RREB1: variants seen among roughly 807,000 people sequenced by gnomAD.
RREB1 encodes ras-responsive element-binding protein 1.
A neutral mutation model predicts 117.8 loss-of-function variants in RREB1; 27 were observed. That is an observed-to-expected ratio of 0.23 (90% confidence interval 0.17 to 0.32). The LOEUF is 0.32. Ranked by LOEUF, RREB1 falls within the 10% of genes least tolerant of loss-of-function variation. The pLI, the probability that RREB1 is intolerant of heterozygous loss-of-function variation, is 1.00. For synonymous variants in RREB1, 1,298 were observed against 1,026.7 expected (o/e 1.26, Z -5.05); for missense variants, 2,577 against 2,378.2 (o/e 1.08, Z -1.74).
chr6:7,159,933 C>T (rs1300275251), intron 1 of RREB1, among the ~76,000 whole-genome samples: 6 of 152,138 alleles, frequency 3.9e-5, no homozygotes, highest in Non-Finnish European at 8.8e-5. Flanking sequence ...CAGAACAAGG[C>T]TTATCAACCT....
chr6:7,157,798 T>C (rs1339048684), intron 1 of RREB1, among the ~76,000 whole-genome samples: 1 of 152,056 alleles, frequency 6.6e-6, no homozygotes, highest in African/African-American at 2.4e-5. Context: ...CGAGTTCTCT[T>C]GTGCTCCCTC....
intron 8 of RREB1, among the ~76,000 whole-genome samples, chr6:7,225,145 T>C (rs1767510192): frequency 6.6e-6 from 1 of 152,188 alleles, no homozygotes; most frequent in South Asian, 2.1e-4. Context: ...CTGATGTACA[T>C]GCAGTGTGGA....
In RREB1 at chr6:7,230,214, C is replaced by G. The variant is rs755410352; in HGVS notation, c.2115C>G (p.His705Gln). The G allele has an allele frequency of 6.2e-7, 1 of 1,605,264 alleles. No homozygotes were observed. The highest frequency in any genetic ancestry group is 8.5e-7 in the Non-Finnish European group (1 of 1,179,932). Residue 705 changes from histidine to glutamine, a missense_variant, in exon 10 of 13, where the codon CAC becomes CAG. Coordinates refer to ENST00000379938, the MANE Select transcript of RREB1 (RefSeq NM_001003699.4). ...GERPYICKICHYPFTVKANCE... is the reference protein window; with the variant it reads ...GERPYICKICQYPFTVKANCE... Reference sequence around the variant, plus strand: ...GGCCCTACATTTGCAAGATCTGCCACTACCCCTTCACTGTCAAAGCCAACT... The same window carrying G: ...GGCCCTACATTTGCAAGATCTGCCAGTACCCCTTCACTGTCAAAGCCAACT...
At chr6:7,162,273 TA>T (rs879255988) in intron 1 of RREB1, among the ~76,000 whole-genome samples, 654 of 141,108 alleles carry the variant, frequency 4.6e-3, no homozygotes, top group Middle Eastern at 7.4e-3. Context: ...CAGTTTACCC[TA>T]AAAAAAAAAA....
chr6:7,248,834 C>T lies in RREB1; in HGVS notation c.5095C>T (p.Pro1699Ser), dbSNP rs1259413315. 5 of 1,612,046 alleles carry T rather than the reference C, an allele frequency of 3.1e-6. No homozygotes were observed. Among genetic ancestry groups the T allele is most frequent in the Non-Finnish European group, 4.2e-6 (5 of 1,179,240 alleles). Residue 1699 changes from proline (P) to serine (S), a missense_variant, in exon 13 of 13, where the codon CCT becomes TCT. Physicochemically the swap from Pro to Ser is moderately conservative, Grantham distance 74. Coordinates refer to ENST00000379938, the MANE Select transcript of RREB1 (RefSeq NM_001003699.4). Reference sequence around the variant, plus strand: ...GGTCACGGCAGGGTGGCCGTCTGAGCCTGGCCAGGGTGACCTTAACCCAGA... The same window carrying T: ...GGTCACGGCAGGGTGGCCGTCTGAGTCTGGCCAGGGTGACCTTAACCCAGA... ...EKVTAGWPSE[P>S]GQGDLNPESP... is the part of the protein sequence containing the mutation.
chr6:7,229,339 C>G lies in RREB1; in HGVS notation c.1240C>G (p.Pro414Ala). 6.2e-7 allele frequency: 1 copy of G among 1,614,212 alleles called. No individual in the cohort carries two copies. The highest frequency in any genetic ancestry group is 8.5e-7 in the Non-Finnish European group (1 of 1,180,026). ...PGCTNLLSLS[P>A]FEAASLGGSL... is the part of the protein sequence containing the mutation. ...CTGCACCAACCTGCTGAGCCTGTCA[C>G]CTTTCGAAGCTGCTTCCCTAGGCGG... Residue 414 changes from proline to alanine, a missense_variant, in exon 10 of 13, where the codon CCT becomes GCT. Pro to Ala is a conservative substitution (Grantham distance 27, BLOSUM62 -1). Transcript: ENST00000379938. This position sits in a 1 kb window ranked among gnomAD's most constrained non-coding sequence, Gnocchi z 4.5.
chr6:7,181,308 A>G (rs1764782506), intron 3 of RREB1, 62 bp downstream of exon 3: 2 of 399,948 alleles, frequency 5.0e-6, no homozygotes, highest in South Asian at 2.5e-4. Flanking sequence ...CCTGCTTTAT[A>G]CATATTTTTT....
intron 1 of RREB1, among the ~76,000 whole-genome samples, chr6:7,160,104 G>C (rs993525350): frequency 6.0e-5 from 9 of 149,494 alleles, no homozygotes; most frequent in Non-Finnish European, 1.3e-4. Context: ...ACTGAAATTT[G>C]ATCACTTTCT....
At chr6:7,206,170 C>T (rs1039084328) in intron 6 of RREB1, among the ~76,000 whole-genome samples, 5 of 152,216 alleles carry the variant, frequency 3.3e-5, no homozygotes, top group Non-Finnish European at 5.9e-5. Flanking sequence ...TTTATATTAA[C>T]CTCTCTCTAC....
At chr6:7,157,113 A>G (rs545800305) in intron 1 of RREB1, among the ~76,000 whole-genome samples, 1 of 152,148 alleles carries the variant, frequency 6.6e-6, no homozygotes, top group South Asian at 2.1e-4. Context: ...CCGACTGCCC[A>G]TTTTTTGGAG....
intron 4 of RREB1, 155 bp downstream of exon 4, chr6:7,182,237 A>T: frequency 1.6e-6 from 1 of 634,216 alleles, no homozygotes; most frequent in Non-Finnish European, 2.7e-6. Context: ...CAAAATTTTT[A>T]TGGCTTATGT....
chr6:7,188,483 CAGA>C (rs764873146), intron 5 of RREB1, among the ~76,000 whole-genome samples: 3 of 152,126 alleles, frequency 2.0e-5, no homozygotes, highest in Non-Finnish European at 4.4e-5. Flanking sequence ...GTACATAACA[CAGA>C]AGGAAATCTA....
At chr6:7,154,905 C>T (rs1446526287) in intron 1 of RREB1, among the ~76,000 whole-genome samples, 2 of 152,076 alleles carry the variant, frequency 1.3e-5, no homozygotes, top group Admixed American at 6.5e-5. Context: ...CCCCTTACCA[C>T]GAGCTTCATT....
At chr6:7,207,880 C>T (rs973068890) in intron 6 of RREB1, among the ~76,000 whole-genome samples, 5 of 152,150 alleles carry the variant, frequency 3.3e-5, no homozygotes, top group Admixed American at 3.3e-4. Context: ...GACAGATAGA[C>T]AGAATTTCTG....
intron 8 of RREB1, chr6:7,218,084 CAG>C (rs1424898628): frequency 9.9e-5 from 15 of 152,238 alleles, no homozygotes; most frequent in African/African-American, 3.6e-4. Context: ...CTTTATGTAA[CAG>C]AACAACACAT....
At chr6:7,206,216 A>G (rs886315215) in intron 6 of RREB1, among the ~76,000 whole-genome samples, 6 of 152,240 alleles carry the variant, frequency 3.9e-5, no homozygotes, top group African/African-American at 1.4e-4. Context: ...GAACAAACAT[A>G]TGAATTCCAA....
chr6:7,174,977 TG>T (rs1246773393), intron 1 of RREB1, among the ~76,000 whole-genome samples: 1 of 152,160 alleles, frequency 6.6e-6, no homozygotes, highest in African/African-American at 2.4e-5. Context: ...TTATTAATTA[TG>T]AGTAAAACTA....
chr6:7,163,019 A>G (rs921210848), intron 1 of RREB1, among the ~76,000 whole-genome samples: 7 of 151,632 alleles, frequency 4.6e-5, no homozygotes, highest in South Asian at 4.1e-4. Flanking sequence ...TTGCATATCT[A>G]TCTTCCAAAC....
chr6:7,108,644 C>T (rs893325492), intron 1 of RREB1: 3 of 152,186 alleles, frequency 2.0e-5, no homozygotes, highest in Non-Finnish European at 4.4e-5. Flanking sequence ...ACTTTCGAGT[C>T]CTTCTCGGGC....
Sources: gnomAD v4.1 joint callset for allele counts (sites outside exome capture counted in the v4.1 genomes callset) on GRCh38, gnomAD v4.1.1 for gene constraint, Gnocchi (gnomAD v3.1) non-coding constraint, MANE v1.5 for transcripts, NCBI Gene and HGNC (gene_info 2026-07-23, HGNC 2026-07-21) for gene names.